KIAA1549: variants seen among roughly 807,000 people sequenced by gnomAD.
KIAA1549 encodes the protein UPF0606 protein KIAA1549.
In KIAA1549, 70 loss-of-function variants were observed where a neutral mutation model predicts 156.4. The ratio of observed to expected loss-of-function variants is 0.45; its 90% confidence interval spans 0.37 to 0.55. The LOEUF (loss-of-function observed/expected upper bound fraction) is 0.55. Among genes scored for constraint, KIAA1549 ranks in the 20% least tolerant of loss-of-function variants. The pLI, the probability that KIAA1549 is intolerant of heterozygous loss-of-function variation, is 0.00. For missense variants in KIAA1549, 2,428 were observed against 2,540.9 expected, an observed-to-expected ratio of 0.96 and a Z score of 0.96; for synonymous variants, 1,103 against 1,066.4, an observed-to-expected ratio of 1.03 and a Z score of -0.67.
chr7:138,941,562 T>C (rs185185987), intron 1 of KIAA1549, among the ~76,000 whole-genome samples: 423 of 152,286 alleles, frequency 2.8e-3, no homozygotes, highest in Non-Finnish European at 4.6e-3. Context: ...TTTCTCCCTA[T>C]CCCTTACTCA....
chr7:138,868,594 A>G (rs1414533733), intron 14 of KIAA1549, among the ~76,000 whole-genome samples: 1 of 152,048 alleles, frequency 6.6e-6, no homozygotes, highest in African/African-American at 2.4e-5. Flanking sequence ...CGCCCAATTA[A>G]TTTTTGTATC....
intron 10 of KIAA1549, among the ~76,000 whole-genome samples, chr7:138,882,500 C>T (rs997133743): frequency 2.0e-5 from 3 of 152,254 alleles, no homozygotes; most frequent in Admixed American, 6.5e-5. Flanking sequence ...GGTGAGGAAC[C>T]ATAGCCTGGG....
intron 1 of KIAA1549, among the ~76,000 whole-genome samples, chr7:138,934,579 C>T (rs1190664528): frequency 6.6e-6 from 1 of 152,004 alleles, no homozygotes; most frequent in African/African-American, 2.4e-5. Flanking sequence ...TAGAGAGTGC[C>T]GGAGATGAGA....
In KIAA1549 at chr7:138,838,129, G is replaced by C. The variant is rs763074152; in HGVS notation, c.5630C>G (p.Ser1877Cys). The C allele has an allele frequency of 2.0e-6, 3 of 1,518,474 alleles. No homozygotes were observed. Among genetic ancestry groups the C allele is most frequent in the Non-Finnish European group, 2.6e-6 (3 of 1,139,036 alleles). The allele number at this position is 1,518,474 out of a possible 1,614,324, so 94.1% of individuals were successfully genotyped here. ...CCTTGGCACCTGAAATAGCGGTGAA[G>C]AAGAATACTCTTGATGTCCGAGCAT... ...THMLGHQEYS[S>C]SPLFQVPRTS... Residue 1877 changes from serine (S) to cysteine (C), a missense_variant, in exon 20 of 20, where the codon TCT (serine) becomes TGT (cysteine). By Grantham distance (112) the Ser-to-Cys change is moderately radical (BLOSUM62 -1). Around this residue, in one of 5 missense-constraint regions of KIAA1549, gnomAD observed 363 missense variants for 354.0 expected, o/e 1.03. Coordinates refer to ENST00000422774, the MANE Select transcript of KIAA1549 (RefSeq NM_001164665.2).
intron 17 of KIAA1549, among the ~76,000 whole-genome samples, chr7:138,851,682 A>G (rs1355427761): frequency 1.3e-5 from 2 of 152,168 alleles, no homozygotes; most frequent in Admixed American, 1.3e-4. Context: ...ACCCTAATCA[A>G]CTTTCAAAGC....
intron 1 of KIAA1549, among the ~76,000 whole-genome samples, chr7:138,944,707 A>C (rs1813291173): frequency 6.6e-6 from 1 of 152,260 alleles, no homozygotes; most frequent in African/African-American, 2.4e-5. Flanking sequence ...AATACTATTC[A>C]ACCACAGAAA....
intron 1 of KIAA1549, among the ~76,000 whole-genome samples, chr7:138,936,646 T>C (rs1813017726): frequency 6.6e-6 from 1 of 152,106 alleles, no homozygotes; most frequent in Admixed American, 6.5e-5. Context: ...AAGCCCCATA[T>C]GCAAAGGGTG....
chr7:138,949,987 C>G (rs910629497), intron 1 of KIAA1549, among the ~76,000 whole-genome samples: 81 of 152,370 alleles, frequency 5.3e-4, no homozygotes, highest in African/African-American at 1.9e-3. Flanking sequence ...TATTTCAGAT[C>G]TGCACAGGAA....
chr7:138,935,682 C>T (rs1390964809), intron 1 of KIAA1549, among the ~76,000 whole-genome samples: 1 of 152,202 alleles, frequency 6.6e-6, no homozygotes, highest in African/African-American at 2.4e-5. Context: ...CAGCAATGAA[C>T]ATCCACACCG....
intron 17 of KIAA1549, among the ~76,000 whole-genome samples, chr7:138,847,432 G>T (rs144673940): frequency 5.8e-4 from 89 of 152,320 alleles, no homozygotes; most frequent in Non-Finnish European, 8.8e-4. Flanking sequence ...CTCTGAAAAT[G>T]ATGATGGTTT....
At chr7:138,968,557 G>A (rs1814111939) in intron 1 of KIAA1549, among the ~76,000 whole-genome samples, 1 of 152,022 alleles carries the variant, frequency 6.6e-6, no homozygotes, top group Non-Finnish European at 1.5e-5. Flanking sequence ...TAAAAACCTT[G>A]TGCTCCAAGG....
intron 8 of KIAA1549, among the ~76,000 whole-genome samples, chr7:138,901,690 A>G (rs1233739907): frequency 6.6e-6 from 1 of 152,214 alleles, no homozygotes; most frequent in East Asian, 1.9e-4. Flanking sequence ...ATTCCAACAC[A>G]TAAAGATTTA....
intron 19 of KIAA1549, among the ~76,000 whole-genome samples, chr7:138,838,597 T>C (rs1217433372): frequency 6.6e-6 from 1 of 152,216 alleles, no homozygotes. Flanking sequence ...AAAATAGTTT[T>C]GCTGATATTT....
rs543997145 is a variant in KIAA1549 at position 138,922,170 on chromosome 7, T to C, written c.188-2732A>G. On this transcript the variant is annotated intron_variant, in intron 1 of 19. Transcript: ENST00000422774. ...CTCAGCTCTGACTTTGTATAGCTAT[T>C]GTACGAAACGTCATCCCGAGTGTGG... 1.4e-3 allele frequency among the ~76,000 whole-genome samples: 214 copies of C among 152,342 alleles called. 4 individuals carry two copies. Among genetic ancestry groups the C allele is most frequent in the African/African-American group, 4.8e-3 (199 of 41,590 alleles).
intron 1 of KIAA1549, among the ~76,000 whole-genome samples, chr7:138,938,543 T>C (rs1395378661): frequency 6.6e-6 from 1 of 152,184 alleles, no homozygotes; most frequent in East Asian, 1.9e-4. Context: ...CTCGGTTTAT[T>C]TGAGGGTTCT....
At chr7:138,913,910 G>A (rs963041793) in intron 2 of KIAA1549, among the ~76,000 whole-genome samples, 1 of 151,542 alleles carries the variant, frequency 6.6e-6, no homozygotes, top group Non-Finnish European at 1.5e-5. Flanking sequence ...TGAAGAGGGA[G>A]GGAGAAATGA....
chr7:138,972,061 G>A (rs890854136), intron 1 of KIAA1549, among the ~76,000 whole-genome samples: 2 of 152,116 alleles, frequency 1.3e-5, no homozygotes, highest in African/African-American at 2.4e-5. Flanking sequence ...GAGCTTGAAT[G>A]AGGGCAGTGG....
chr7:138,944,584 CA>C lies in KIAA1549; in HGVS notation c.188-25147del, dbSNP rs1813287351. Among the ~76,000 whole-genome samples, 6 of 151,982 alleles carry C rather than the reference CA, an allele frequency of 3.9e-5. No homozygotes were observed. The South Asian group carries it at 1.2e-3, about 32-fold the overall frequency. ...AAACACTGGAAGCAGGCGTTCAAAC[CA>C]AAACTTCTGCTTGAACGCAGCATTA... On this transcript the variant is annotated intron_variant, in intron 1 of 19. Transcript: ENST00000422774.
intron 9 of KIAA1549, among the ~76,000 whole-genome samples, 194 bp from the exon 10 acceptor site, chr7:138,894,720 T>C (rs183773277): frequency 6.6e-6 from 1 of 152,274 alleles, no homozygotes; most frequent in East Asian, 1.9e-4. Context: ...CTAGAATACA[T>C]CAGGGATCAC....
Sources: allele counts gnomAD v4.1 joint callset (sites outside exome capture counted in the v4.1 genomes callset), GRCh38; gene constraint gnomAD v4.1.1; regional missense constraint gnomAD v4.1.1; transcripts MANE v1.5; gene names NCBI Gene and HGNC (gene_info 2026-07-23, HGNC 2026-07-21).